Variants in ABLIM1 observed in about 807,000 individuals in gnomAD.
The protein encoded by ABLIM1 is actin-binding LIM protein 1.
In ABLIM1, 40 loss-of-function variants were observed where a neutral mutation model predicts 107.0. The ratio of observed to expected loss-of-function variants is 0.37; its 90% CI spans 0.29 to 0.49. The LOEUF (loss-of-function observed/expected upper bound fraction) is 0.49. Ranked by LOEUF, ABLIM1 falls within the 20% of genes least tolerant of loss-of-function variation. ABLIM1 has a pLI of 0.97. For missense variants in ABLIM1, 857 were observed against 1,008.5 expected (o/e 0.85, Z 2.04); for synonymous variants, 357 against 357.3 (o/e 1.00, Z 0.01).
chr10:114,462,131 C>G (rs749948829), intron 12 of ABLIM1, among the ~76,000 whole-genome samples: 23 of 152,168 alleles, frequency 1.5e-4, no homozygotes, highest in Non-Finnish European at 3.2e-4. Flanking sequence ...AACGAAAATT[C>G]AGTAAACCAG....
intron 4 of ABLIM1, among the ~76,000 whole-genome samples, chr10:114,558,306 A>AAT: frequency 6.6e-6 from 1 of 152,188 alleles, no homozygotes; most frequent in Non-Finnish European, 1.5e-5. Flanking sequence ...ACTATTCATT[A>AAT]CGCAGGAATC....
chr10:114,603,638 A>T (rs1053501352), intron 1 of ABLIM1, among the ~76,000 whole-genome samples: 2 of 142,634 alleles, frequency 1.4e-5, no homozygotes, highest in Non-Finnish European at 3.1e-5. Flanking sequence ...CTTGCACATT[A>T]AAAAAAAAAA....
intron 6 of ABLIM1, among the ~76,000 whole-genome samples, chr10:114,523,475 C>T (rs920385957): frequency 6.6e-6 from 1 of 152,122 alleles, no homozygotes; most frequent in Non-Finnish European, 1.5e-5. Context: ...AAATACCTTG[C>T]CTTTGGGTCA....
chr10:114,456,102 C>A (rs189861867), intron 12 of ABLIM1, among the ~76,000 whole-genome samples: 1 of 152,328 alleles, frequency 6.6e-6, no homozygotes, highest in Admixed American at 6.5e-5. Context: ...GCGTGAGCCA[C>A]CGCACCCGGC....
chr10:114,549,767 A>T (rs2067819257), intron 4 of ABLIM1, among the ~76,000 whole-genome samples: 1 of 152,252 alleles, frequency 6.6e-6, no homozygotes, highest in Non-Finnish European at 1.5e-5. Flanking sequence ...ATAATGGAAT[A>T]CTATGGGCTG....
chr10:114,477,046 A>G (rs897914900), intron 8 of ABLIM1, among the ~76,000 whole-genome samples: 39 of 152,160 alleles, frequency 2.6e-4, no homozygotes, highest in African/African-American at 9.2e-4. Context: ...AGATAAGGAA[A>G]AAGTATCAGT....
chr10:114,800,014 A>C, the ABLIM1 span, among the ~76,000 whole-genome samples: 13 of 152,176 alleles, frequency 8.5e-5, no homozygotes, highest in Non-Finnish European at 1.3e-4. Flanking sequence ...AGCTCAAAGC[A>C]ATCCACCTGC....
chr10:114,723,190 T>G (rs890494865), intron 1 of ABLIM1, among the ~76,000 whole-genome samples: 2 of 152,154 alleles, frequency 1.3e-5, no homozygotes, highest in African/African-American at 4.8e-5. Context: ...GGAGAGAAAC[T>G]GACAGAACCA....
chr10:114,628,451 G>A (rs2140624875), intron 1 of ABLIM1, among the ~76,000 whole-genome samples: 1 of 152,310 alleles, frequency 6.6e-6, no homozygotes, highest in East Asian at 1.9e-4. Context: ...CCTTGCTCTA[G>A]AAAAAGTACT....
chr10:114,514,032 C>T (rs1316257771), intron 6 of ABLIM1, among the ~76,000 whole-genome samples: 1 of 152,206 alleles, frequency 6.6e-6, no homozygotes, highest in Non-Finnish European at 1.5e-5. Flanking sequence ...TTAGGATCTA[C>T]AGATTAGTTA....
At chr10:114,501,808 G>C (rs2060469385) in intron 6 of ABLIM1, among the ~76,000 whole-genome samples, 1 of 152,174 alleles carries the variant, frequency 6.6e-6, no homozygotes, top group African/African-American at 2.4e-5. Context: ...TGGTGCATTT[G>C]CCACAAATTA....
intron 2 of ABLIM1, among the ~76,000 whole-genome samples, chr10:114,592,920 A>G (rs2075048603): frequency 1.3e-5 from 2 of 152,136 alleles, no homozygotes; most frequent in African/African-American, 4.8e-5. Flanking sequence ...TGTCTACTGG[A>G]AATGCTGAGA....
At chr10:114,588,822 T>G (rs1235678292) in intron 2 of ABLIM1, among the ~76,000 whole-genome samples, 1 of 152,138 alleles carries the variant, frequency 6.6e-6, no homozygotes, top group Non-Finnish European at 1.5e-5. Context: ...CTCTTTCTTT[T>G]GTCCTTTTCA....
At chr10:114,642,804 A>G (rs2078810761) in intron 1 of ABLIM1, among the ~76,000 whole-genome samples, 1 of 152,168 alleles carries the variant, frequency 6.6e-6, no homozygotes, top group Non-Finnish European at 1.5e-5. Flanking sequence ...GAAAACCCCT[A>G]CTGCTCACAA....
intron 1 of ABLIM1, among the ~76,000 whole-genome samples, chr10:114,728,386 A>G (rs2082003023): frequency 6.6e-6 from 1 of 152,108 alleles, no homozygotes; most frequent in South Asian, 2.1e-4. Flanking sequence ...CTGCATCAGG[A>G]AGACACATGT....
At chr10:114,453,245 C>T in intron 13 of ABLIM1, 134 bp downstream of exon 13, 2 of 911,754 alleles carry the variant, frequency 2.2e-6, no homozygotes, top group Non-Finnish European at 1.7e-6. Flanking sequence ...CCCCCTAGGT[C>T]AGATCCTGCA....
chr10:114,655,943 A>G (rs1370299034), intron 1 of ABLIM1, among the ~76,000 whole-genome samples: 3 of 152,086 alleles, frequency 2.0e-5, no homozygotes, highest in Admixed American at 6.6e-5. Flanking sequence ...ACAGTGAGAT[A>G]CCGCTTCACA....
chr10:114,744,044 G>T lies in ABLIM1; in HGVS notation c.-213+24017C>A, dbSNP rs76764462. On this transcript the variant is annotated intron_variant, in intron 1 of 15. Coordinates refer to the ABLIM1 transcript ENST00000651092. ...GGCAGCCTAAGTTGGCCTCTTGGGA[G>T]ACCATGAGATGTGGCGTGGGCGTAG... 3.9e-4 allele frequency among the ~76,000 whole-genome samples: 59 copies of T among 152,348 alleles called. No homozygotes were observed. In the East Asian group the frequency reaches 0.01, roughly 26 times the overall value.
intron 1 of ABLIM1, among the ~76,000 whole-genome samples, chr10:114,656,608 A>G (rs56336199): frequency 0.079 from 12,016 of 152,280 alleles, 559 homozygotes; most frequent in African/African-American, 0.12. Context: ...AAAAAGAAAA[A>G]AAAACCTTGT....
Sources: allele counts gnomAD v4.1 joint callset (sites outside exome capture counted in the v4.1 genomes callset), GRCh38; gene constraint gnomAD v4.1.1; transcripts MANE v1.5; gene names NCBI Gene and HGNC (gene_info 2026-07-23, HGNC 2026-07-21).